EBF1: variants seen among roughly 807,000 people sequenced by gnomAD.
EBF1 encodes EBF transcription factor 1.
Under a neutral mutation model 68.4 loss-of-function variants are expected in EBF1, and 10 were observed. The observed-to-expected ratio is 0.15, with a 90% CI of 0.09 to 0.25. The LOEUF (loss-of-function observed/expected upper bound fraction) is 0.25. Ranked by LOEUF, EBF1 falls within the 10% of genes least tolerant of loss-of-function variation. The probability of loss-of-function intolerance (pLI) is 1.00; values close to 1 mark genes in which losing one functional copy is unlikely to be tolerated. For synonymous variants in EBF1, 298 were observed against 299.8 expected, an observed-to-expected ratio of 0.99 and a Z score of 0.06; for missense variants, 509 against 794.4, an observed-to-expected ratio of 0.64 and a Z score of 4.32.
rs185106395 is a variant in EBF1, at chr5:158,873,181, C to T, written c.555-33071G>A. ...ATGATTTTCATCAATACAAGTGAAC[C>T]TTCAATTAGAAAAGCCGACTGACCA... On this transcript the variant is annotated intron_variant, in intron 6 of 15. Transcript: ENST00000313708. Among the ~76,000 whole-genome samples, 12 of 152,042 alleles carry T rather than the reference C, an allele frequency of 7.9e-5. No individual in the cohort carries two copies. In the East Asian group the frequency reaches 2.1e-3, roughly 27 times the overall value.
intron 6 of EBF1, among the ~76,000 whole-genome samples, chr5:159,014,954 C>A (rs1765373829): frequency 6.6e-6 from 1 of 152,122 alleles, no homozygotes; most frequent in South Asian, 2.1e-4. Context: ...GAAAGAGCTT[C>A]CACCTCAGGT....
intron 6 of EBF1, among the ~76,000 whole-genome samples, chr5:158,860,781 C>G (rs1257306397): frequency 6.6e-6 from 1 of 152,230 alleles, no homozygotes; most frequent in East Asian, 1.9e-4. Context: ...TCTTGCGTCT[C>G]TGTTGCATGT....
chr5:159,097,611 C>G (rs774808781), intron 1 of EBF1: 80 of 238,418 alleles, frequency 3.4e-4, no homozygotes, highest in Non-Finnish European at 5.6e-4. Context: ...CCTCCAGGAA[C>G]CCCTCAAGCT....
At chr5:159,022,056 TAAA>T (rs10630834) in intron 6 of EBF1, among the ~76,000 whole-genome samples, 5 of 105,626 alleles carry the variant, frequency 4.7e-5, no homozygotes, top group Non-Finnish European at 9.2e-5. Flanking sequence ...GTCAGCACGA[TAAA>T]AAAAAAAAAA....
intron 6 of EBF1, among the ~76,000 whole-genome samples, chr5:159,020,996 C>T (rs1168084328): frequency 6.6e-6 from 1 of 152,250 alleles, no homozygotes; most frequent in Non-Finnish European, 1.5e-5. Flanking sequence ...CCCTTGACCT[C>T]TTCCCGAGAA....
intron 10 of EBF1, among the ~76,000 whole-genome samples, chr5:158,736,265 G>A (rs1349087951): frequency 2.6e-5 from 4 of 152,098 alleles, no homozygotes; most frequent in South Asian, 2.1e-4. Flanking sequence ...CTCCGTCCCC[G>A]TTAACTTCTT....
chr5:158,984,556 A>G (rs546203309), intron 6 of EBF1, among the ~76,000 whole-genome samples: 39 of 152,254 alleles, frequency 2.6e-4, no homozygotes, highest in Non-Finnish European at 4.3e-4. Context: ...TTCTGATTAC[A>G]TCAATGAGGG....
chr5:159,009,771 CAAA>C (rs11301958), intron 6 of EBF1, among the ~76,000 whole-genome samples: 24 of 124,222 alleles, frequency 1.9e-4, no homozygotes, highest in Non-Finnish European at 2.4e-4. Flanking sequence ...GACCCCATCT[CAAA>C]AAAAAAAAAA....
chr5:158,778,872 CTATT>C (rs1323599540), intron 9 of EBF1, among the ~76,000 whole-genome samples: 1 of 152,130 alleles, frequency 6.6e-6, no homozygotes, highest in East Asian at 1.9e-4. Context: ...GTATGAAGAA[CTATT>C]TATCCCTGTA....
At position 158,946,999 on chromosome 5, in the gene EBF1, AT is replaced by A. The variant is rs528958975; in HGVS notation, c.555-106890del. On this transcript the variant is annotated intron_variant, in intron 6 of 15. Transcript: ENST00000313708. ...TTGTTAACACTGTGAGGGGAAAAAC[AT>A]CTACTCAAGCCTCTGTAATGGCAAA... 1.9e-4 allele frequency among the ~76,000 whole-genome samples: 29 copies of A among 152,276 alleles called. 1 individual carries two copies. The highest frequency in any genetic ancestry group is 7.0e-4 in the African/African-American group (29 of 41,552).
At chr5:158,781,918 C>T (rs1005244592) in intron 9 of EBF1, among the ~76,000 whole-genome samples, 1 of 152,150 alleles carries the variant, frequency 6.6e-6, no homozygotes, top group Admixed American at 6.6e-5. Context: ...TCAGCTGCCC[C>T]CTTTGCCTAT....
chr5:159,098,492 AAG>A (rs1351698800), intron 1 of EBF1, among the ~76,000 whole-genome samples: 1 of 152,126 alleles, frequency 6.6e-6, no homozygotes, highest in Non-Finnish European at 1.5e-5. Context: ...TAGCAGAAAT[AAG>A]AGAAGACTCA....
chr5:159,047,901 A>T (rs951703770), intron 6 of EBF1, among the ~76,000 whole-genome samples: 1 of 152,176 alleles, frequency 6.6e-6, no homozygotes, highest in Admixed American at 6.5e-5. Context: ...GGAAGGACAC[A>T]TGTTCAGCAT....
chr5:159,072,751 A>G (rs10042802), intron 6 of EBF1, among the ~76,000 whole-genome samples: 7,675 of 152,306 alleles, frequency 0.05, 647 homozygotes, highest in African/African-American at 0.17. Context: ...AATTACACCG[A>G]ACAACTAAAA....
intron 6 of EBF1, among the ~76,000 whole-genome samples, chr5:158,880,129 G>A (rs1180532279): frequency 6.6e-6 from 1 of 152,198 alleles, no homozygotes; most frequent in Non-Finnish European, 1.5e-5. Context: ...TCTTTTGGGA[G>A]GCTCTTGATA....
chr5:158,759,091 G>A (rs56671345), intron 10 of EBF1, among the ~76,000 whole-genome samples: 2,900 of 152,204 alleles, frequency 0.019, 93 homozygotes, highest in African/African-American at 0.067. Context: ...CTTCACCAAC[G>A]TCTCCATTAA....
chr5:158,964,938 C>A (rs1406506630), intron 6 of EBF1, among the ~76,000 whole-genome samples: 1 of 152,188 alleles, frequency 6.6e-6, no homozygotes, highest in Non-Finnish European at 1.5e-5. Flanking sequence ...ATTTGTCAAA[C>A]AGATCTGACT....
chr5:158,737,560 A>T (rs1461083111), intron 10 of EBF1, among the ~76,000 whole-genome samples: 2 of 152,084 alleles, frequency 1.3e-5, no homozygotes, highest in African/African-American at 4.8e-5. Flanking sequence ...CTGGGATTAC[A>T]ACCGTGAGCC....
chr5:159,029,675 C>A (rs1239321192), intron 6 of EBF1, among the ~76,000 whole-genome samples: 1 of 152,028 alleles, frequency 6.6e-6, no homozygotes, highest in Non-Finnish European at 1.5e-5. Context: ...AATAACTAGG[C>A]CGGGCACCAT....
Sources: allele counts gnomAD v4.1 joint callset (sites outside exome capture counted in the v4.1 genomes callset), GRCh38; gene constraint gnomAD v4.1.1; transcripts MANE v1.5; gene names NCBI Gene and HGNC (gene_info 2026-07-23, HGNC 2026-07-21).